HSPA4: variants seen among roughly 807,000 people sequenced by gnomAD.
HSPA4 encodes the protein heat shock protein family A (Hsp70) member 4.
A neutral mutation model predicts 106.2 loss-of-function variants in HSPA4; 25 were observed. The observed-to-expected ratio is 0.24, with a 90% CI of 0.17 to 0.33. HSPA4 has a LOEUF of 0.33. Ranked by LOEUF, HSPA4 falls within the 10% of genes least tolerant of loss-of-function variation. The probability of loss-of-function intolerance (pLI) is 1.00; values close to 1 mark genes in which losing one functional copy is unlikely to be tolerated. For synonymous variants in HSPA4, 332 were observed against 333.6 expected (o/e 1.00, Z 0.05); for missense variants, 841 against 996.0 (o/e 0.84, Z 2.10).
chr5:133,068,195 A>G (rs57060554), intron 3 of HSPA4, among the ~76,000 whole-genome samples: 35,571 of 152,004 alleles, frequency 0.23, 4,327 homozygotes, highest in Middle Eastern at 0.26. Flanking sequence ...CCTGGTAGGA[A>G]TCACAGTTTT....
chr5:133,079,737 G>A (rs1188213332), intron 7 of HSPA4, among the ~76,000 whole-genome samples: 1 of 151,966 alleles, frequency 6.6e-6, no homozygotes, highest in Non-Finnish European at 1.5e-5. Flanking sequence ...CGCCCTACTG[G>A]GTTTCAGTTT....
At chr5:133,063,112 A>C (rs1016975064) in intron 1 of HSPA4, among the ~76,000 whole-genome samples, 39 of 151,556 alleles carry the variant, frequency 2.6e-4, no homozygotes, top group African/African-American at 9.0e-4. Flanking sequence ...TTTTTTTTTA[A>C]GGCAGGGTCT....
chr5:133,102,047 T>G (rs1197233693), intron 17 of HSPA4, among the ~76,000 whole-genome samples, 169 bp downstream of exon 17: 1 of 151,362 alleles, frequency 6.6e-6, no homozygotes, highest in African/African-American at 2.4e-5. Flanking sequence ...CTGCCTCAGC[T>G]TCCCGAGTAG....
intron 1 of HSPA4, among the ~76,000 whole-genome samples, chr5:133,061,599 T>A (rs1326768826): frequency 6.6e-6 from 1 of 151,816 alleles, no homozygotes; most frequent in African/African-American, 2.4e-5. Flanking sequence ...CCAAGTCCAG[T>A]TTTAAGAGGT....
intron 14 of HSPA4, among the ~76,000 whole-genome samples, chr5:133,096,954 A>G (rs538713219): frequency 7.2e-5 from 11 of 151,912 alleles, no homozygotes; most frequent in East Asian, 5.8e-4. Context: ...TGATATTTCT[A>G]TTGTTCTTTT....
intron 1 of HSPA4, among the ~76,000 whole-genome samples, chr5:133,064,376 C>T (rs553929043): frequency 6.6e-6 from 1 of 152,230 alleles, no homozygotes; most frequent in South Asian, 2.1e-4. Context: ...CGTGATGGTG[C>T]ATGCCTGTAA....
chr5:133,070,538 A>C (rs200619644), intron 4 of HSPA4, 42 bp downstream of exon 4: 7 of 1,604,116 alleles, frequency 4.4e-6, no homozygotes, highest in East Asian at 4.5e-5. Flanking sequence ...TTGCATGAAG[A>C]AGCAGAGAGA....
chr5:133,083,997 A>T (rs1014305313), intron 7 of HSPA4, among the ~76,000 whole-genome samples: 1 of 152,198 alleles, frequency 6.6e-6, no homozygotes. Flanking sequence ...TTTATATGAC[A>T]TACTCAGGTT....
intron 2 of HSPA4, among the ~76,000 whole-genome samples, chr5:133,066,967 CT>C (rs1765315110): frequency 6.6e-6 from 1 of 152,098 alleles, no homozygotes; most frequent in Non-Finnish European, 1.5e-5. Flanking sequence ...GCCCTGGCTT[CT>C]TTCAAAGTGC....
intron 2 of HSPA4, among the ~76,000 whole-genome samples, chr5:133,066,607 AG>A (rs1765308168): frequency 6.6e-6 from 1 of 152,066 alleles, no homozygotes; most frequent in Non-Finnish European, 1.5e-5. Context: ...GGCTGTTTCT[AG>A]GCGTCTGCTA....
Position 133,073,310 on chromosome 5 carries a change from A to G in HSPA4, c.510A>G (p.Leu170=). The G allele has an allele frequency of 6.2e-7, 1 of 1,608,650 alleles. No individual in the cohort carries two copies. Among genetic ancestry groups the G allele is most frequent in the Non-Finnish European group, 8.5e-7 (1 of 1,175,478 alleles). Residue 170 remains leucine, a synonymous_variant, in exon 5 of 19, where the codon TTA becomes TTG. Coordinates refer to ENST00000304858, the MANE Select transcript of HSPA4 (RefSeq NM_002154.4). ...TTGCTGGTCTTAATTGCTTGCGATT[A>G]ATGAATGAAACCACTGCAGGTAAGG... ...TQIAGLNCLR[L]MNETTAVALA...
intron 1 of HSPA4, among the ~76,000 whole-genome samples, chr5:133,052,592 GA>G: frequency 6.6e-6 from 1 of 152,386 alleles, no homozygotes; most frequent in East Asian, 1.9e-4. Flanking sequence ...GTCGGCCGAA[GA>G]AAGGCTTCTG....
At chr5:133,088,165 C>A (rs1327263973) in intron 8 of HSPA4, among the ~76,000 whole-genome samples, 2 of 152,042 alleles carry the variant, frequency 1.3e-5, no homozygotes, top group Non-Finnish European at 2.9e-5. Context: ...TTGAGGATTC[C>A]TGGCCCTCAC....
chr5:133,089,866 A>G (rs139659885), intron 11 of HSPA4, among the ~76,000 whole-genome samples, 171 bp downstream of exon 11: 1 of 152,136 alleles, frequency 6.6e-6, no homozygotes, highest in African/African-American at 2.4e-5. Context: ...CAACAACAAA[A>G]AAAAGCTTAT....
chr5:133,094,377 A>T (rs1026393805), intron 13 of HSPA4, among the ~76,000 whole-genome samples: 2 of 152,264 alleles, frequency 1.3e-5, no homozygotes, highest in African/African-American at 4.8e-5. Context: ...ACAGAACCTT[A>T]AAGTGGCTTA....
Position 133,104,435 on chromosome 5 carries a change from G to A in HSPA4, c.2522G>A (p.Ter841=), listed in dbSNP as rs1400095735. 3 of 1,612,710 alleles carry A rather than the reference G, an allele frequency of 1.9e-6. No individual in the cohort carries two copies. The highest frequency in any genetic ancestry group is 1.7e-5 in the Admixed American group (1 of 59,978). The change falls in exon 19 of 19, where the codon TGA becomes TAA. Residue 841 remains the stop codon, a stop_retained_variant. Coordinates refer to ENST00000304858, the MANE Select transcript of HSPA4 (RefSeq NM_002154.4). The stretch of plus-strand genomic sequence containing the variant: ...AAGCTTCCTGAAATGGACATTGATT[G>A]ATTCCAACACTTGTTTCTATTAAAA... The part of the protein sequence containing the change: ...DKKLPEMDID[*]
chr5:133,073,929 C>G, intron 5 of HSPA4, 64 bp from the exon 6 acceptor site: 1 of 1,213,592 alleles, frequency 8.2e-7, no homozygotes, highest in East Asian at 2.6e-5. Flanking sequence ...CCTCTTTTTT[C>G]CTGCTTAAAT....
intron 7 of HSPA4, among the ~76,000 whole-genome samples, chr5:133,085,489 T>TTA (rs1554089513): frequency 9.1e-6 from 1 of 110,288 alleles, no homozygotes; most frequent in African/African-American, 5.0e-5. Flanking sequence ...CCATCTCTAC[T>TTA]AAAAAAAAAA....
At position 133,073,272 on chromosome 5, in the gene HSPA4, G is replaced by A. The variant is rs1371920755; in HGVS notation, c.472G>A (p.Asp158Asn). 6.2e-7 allele frequency: 1 copy of A among 1,612,192 alleles called. No homozygotes were observed. The highest frequency in any genetic ancestry group is 8.5e-7 in the Non-Finnish European group (1 of 1,179,104). Residue 158 changes from aspartate to asparagine, a missense_variant, in exon 5 of 19, where the codon GAT becomes AAT. This residue lies in a region of HSPA4 where 347 missense variants were observed against 408.7 expected (regional missense o/e 0.85). Transcript: ENST00000304858. The part of the protein sequence containing the change: ...YTDAERRSVM[D>N]ATQIAGLNCL... Reference sequence around the variant, plus strand: ...TGATGCAGAAAGACGATCAGTGATGGATGCAACACAGATTGCTGGTCTTAA... The same window carrying A: ...TGATGCAGAAAGACGATCAGTGATGAATGCAACACAGATTGCTGGTCTTAA...
Sources: allele counts gnomAD v4.1 joint callset (sites outside exome capture counted in the v4.1 genomes callset), GRCh38; gene constraint gnomAD v4.1.1; regional missense constraint gnomAD v4.1.1; transcripts MANE v1.5; gene names NCBI Gene and HGNC (gene_info 2026-07-23, HGNC 2026-07-21).